Variants in NPAS3 observed in about 807,000 individuals in gnomAD.
The protein encoded by NPAS3 is neuronal PAS domain protein 3, also known as neuronal PAS domain-containing protein 3.
In NPAS3, 14 loss-of-function variants were observed where a neutral mutation model predicts 73.1. The ratio of observed to expected loss-of-function variants is 0.19; its 90% CI spans 0.13 to 0.30. The LOEUF is 0.30. Ranked by LOEUF, NPAS3 falls within the 10% of genes least tolerant of loss-of-function variation. The pLI is 1.00. For missense variants in NPAS3, 1,096 were observed against 1,250.0 expected (o/e 0.88, Z 1.86); for synonymous variants, 620 against 541.5 (o/e 1.14, Z -2.01).
chr14:33,228,513 A>G (rs904838902), intron 3 of NPAS3, among the ~76,000 whole-genome samples: 3 of 152,198 alleles, frequency 2.0e-5, no homozygotes, highest in East Asian at 1.9e-4. Context: ...GGCTTAATAG[A>G]TATAATCTTA....
chr14:33,064,087 C>A (rs1339117724), intron 2 of NPAS3, among the ~76,000 whole-genome samples: 1 of 152,026 alleles, frequency 6.6e-6, no homozygotes, highest in Non-Finnish European at 1.5e-5. Context: ...TAAAGGAGAT[C>A]ATTGTGAATT....
At chr14:33,232,975 T>C (rs148947759) in intron 3 of NPAS3, among the ~76,000 whole-genome samples, 2 of 152,282 alleles carry the variant, frequency 1.3e-5, no homozygotes, top group East Asian at 3.9e-4. Flanking sequence ...TTATACCCCA[T>C]ATGTATAACA....
intron 7 of NPAS3, among the ~76,000 whole-genome samples, chr14:33,747,114 T>A (rs2061829623): frequency 6.6e-6 from 1 of 152,064 alleles, no homozygotes; most frequent in Non-Finnish European, 1.5e-5. Flanking sequence ...CTATAAATCA[T>A]GCTGCTATAA....
chr14:33,319,913 G>T (rs571379492), intron 3 of NPAS3, among the ~76,000 whole-genome samples: 1 of 152,130 alleles, frequency 6.6e-6, no homozygotes, highest in Admixed American at 6.6e-5. Context: ...CATGGCACGT[G>T]GTAGGTATTC....
chr14:33,279,886 T>C (rs1254214666), intron 3 of NPAS3, among the ~76,000 whole-genome samples: 1 of 152,162 alleles, frequency 6.6e-6, no homozygotes, highest in Non-Finnish European at 1.5e-5. Context: ...AAAAAAATCA[T>C]TTTAAAACCT....
intron 2 of NPAS3, among the ~76,000 whole-genome samples, chr14:33,087,180 TACAA>T (rs1164004992): frequency 0.031 from 4,212 of 137,860 alleles, 181 homozygotes; most frequent in East Asian, 0.17. Flanking sequence ...ATATATAGTA[TACAA>T]TATAATATTG....
Position 33,567,656 on chromosome 14 carries a change from T to C in NPAS3, c.558+7446T>C, listed in dbSNP as rs117964166. Among the ~76,000 whole-genome samples the C allele has an allele frequency of 6.9e-4, 105 of 152,366 alleles. 1 individual carries two copies. The East Asian group carries it at 0.018, about 26-fold the overall frequency. On this transcript the variant is annotated intron_variant, in intron 5 of 11. Coordinates refer to ENST00000356141, the Ensembl canonical transcript of NPAS3. ...AGCATTAGAAATCGGTAGAATAATC[T>C]GCTGGCTGTCACTCTATGCTTAGCC...
intron 2 of NPAS3, among the ~76,000 whole-genome samples, chr14:33,111,781 A>G (rs12893058): frequency 0.29 from 43,485 of 147,790 alleles, 7,285 homozygotes; most frequent in Admixed American, 0.46. Flanking sequence ...CATTTACATT[A>G]GGTATATCTC....
At chr14:32,980,263 T>C (rs2037843203) in intron 1 of NPAS3, among the ~76,000 whole-genome samples, 2 of 152,198 alleles carry the variant, frequency 1.3e-5, no homozygotes, top group Non-Finnish European at 1.5e-5. Flanking sequence ...AATTTTTCTG[T>C]CTAGTGAAAA....
At chr14:33,663,460 C>T (rs893667657) in intron 5 of NPAS3, among the ~76,000 whole-genome samples, 73 of 152,070 alleles carry the variant, frequency 4.8e-4, no homozygotes, top group African/African-American at 1.3e-3. Flanking sequence ...CTGCTGGATT[C>T]GGTTTGCCAG....
At chr14:33,125,488 G>T (rs1039956566) in intron 2 of NPAS3, among the ~76,000 whole-genome samples, 4 of 152,132 alleles carry the variant, frequency 2.6e-5, no homozygotes, top group African/African-American at 9.7e-5. Flanking sequence ...AGAGGCAACA[G>T]TGGCTGATAG....
intron 1 of NPAS3, among the ~76,000 whole-genome samples, chr14:32,941,400 ATCTC>A (rs2036010717): frequency 1.4e-5 from 2 of 145,090 alleles, no homozygotes; most frequent in Non-Finnish European, 3.0e-5. Context: ...GGCCCCAGTA[ATCTC>A]TCTAGCAAAG....
intron 3 of NPAS3, among the ~76,000 whole-genome samples, chr14:33,216,438 A>G (rs1183089867): frequency 6.6e-6 from 1 of 152,214 alleles, no homozygotes; most frequent in African/African-American, 2.4e-5. Flanking sequence ...GTTATTATTT[A>G]CAATTTTGTG....
chr14:33,282,945 T>G (rs1406554501), intron 3 of NPAS3, among the ~76,000 whole-genome samples: 1 of 152,198 alleles, frequency 6.6e-6, no homozygotes, highest in Non-Finnish European at 1.5e-5. Flanking sequence ...CCTGTTCCTT[T>G]GACTTACATT....
intron 4 of NPAS3, among the ~76,000 whole-genome samples, chr14:33,441,951 G>A (rs1026676427): frequency 1.3e-5 from 2 of 152,036 alleles, no homozygotes; most frequent in Non-Finnish European, 2.9e-5. Flanking sequence ...ATGACATGTG[G>A]GAATCACGAA....
chr14:33,651,815 T>C (rs1287976968), intron 5 of NPAS3, among the ~76,000 whole-genome samples: 3 of 152,222 alleles, frequency 2.0e-5, no homozygotes, highest in Non-Finnish European at 4.4e-5. Context: ...AGTAGGCCAC[T>C]TTTGGTGGCT....
chr14:33,006,778 G>A (rs1245898937), intron 1 of NPAS3, among the ~76,000 whole-genome samples: 1 of 152,134 alleles, frequency 6.6e-6, no homozygotes, highest in Non-Finnish European at 1.5e-5. Context: ...GAGAAATGTT[G>A]AAAAAACATT....
intron 5 of NPAS3, among the ~76,000 whole-genome samples, chr14:33,565,678 A>T (rs1371605626): frequency 1.3e-5 from 2 of 152,198 alleles, no homozygotes; most frequent in African/African-American, 4.8e-5. Context: ...GTTTGGCATC[A>T]TGACATCCTA....
intron 1 of NPAS3, among the ~76,000 whole-genome samples, chr14:32,971,071 C>CTGTGTCTTT (rs2037399864): frequency 6.9e-6 from 1 of 145,688 alleles, no homozygotes. Context: ...AAAATGATTT[C>CTGTGTCTTT]TGTGTCTTTC....
Sources: allele counts gnomAD v4.1 joint callset (sites outside exome capture counted in the v4.1 genomes callset), GRCh38; gene constraint gnomAD v4.1.1; transcripts MANE v1.5; gene names NCBI Gene and HGNC (gene_info 2026-07-23, HGNC 2026-07-21).